INTS1: variants seen among roughly 807,000 people sequenced by gnomAD.
INTS1 encodes integrator complex subunit 1.
A neutral mutation model predicts 241.6 loss-of-function variants in INTS1; 137 were observed. The observed-to-expected ratio is 0.57, with a 90% CI of 0.49 to 0.65. The LOEUF (loss-of-function observed/expected upper bound fraction) is 0.65, where lower values mean the gene tolerates loss of function less well. Among genes scored for constraint, INTS1 ranks in the 30% least tolerant of loss-of-function variants. The pLI is 0.00. For missense variants in INTS1, 3,073 were observed against 3,032.2 expected, an observed-to-expected ratio of 1.01 and a Z score of -0.32; for synonymous variants, 1,692 against 1,337.8, an observed-to-expected ratio of 1.26 and a Z score of -5.78.
rs1041277944 is a variant in INTS1, at chr7:1,497,085, G to A, written c.1602+53C>T. 3.2e-5 allele frequency: 48 copies of A among 1,507,994 alleles called. No individual in the cohort carries two copies. Among genetic ancestry groups the A allele is most frequent in the Non-Finnish European group, 3.9e-5 (44 of 1,125,758 alleles). The allele number at this position is 1,507,994 out of a possible 1,614,324, so 93.4% of individuals were successfully genotyped here. ...TGGGACCCAGGACGAGGGGGATGGC[G>A]GCGCGTGGAACCCGCAGTGAGGGAA... On this transcript the variant is annotated intron_variant, in intron 11 of 47. Coordinates refer to ENST00000404767, the MANE Select transcript of INTS1 (RefSeq NM_001080453.3). The surrounding 1 kb of genome is among the most constrained non-coding windows in gnomAD (Gnocchi z 5.3).
Position 1,485,366 on chromosome 7 carries a change from T to C in INTS1, c.3080A>G (p.Gln1027Arg), listed in dbSNP as rs1171837848. 2 of 1,612,656 alleles carry C rather than the reference T, an allele frequency of 1.2e-6. No individual in the cohort carries two copies. Among genetic ancestry groups the C allele is most frequent in the Middle Eastern group, 1.6e-4 (1 of 6,062 alleles). ...GCGAGGCAGGTCCCGCAGCAGCCAC[T>C]GATAGCCCTGCAGCACATCTGTGTC... Reference protein sequence around the residue: ...VGDTDVLQGYQWLLRDLPRLP... With the variant: ...VGDTDVLQGYRWLLRDLPRLP... Residue 1027 changes from glutamine to arginine, a missense_variant, in exon 23 of 48, where the codon CAG (glutamine) becomes CGG (arginine). Transcript: ENST00000404767.
chr7:1,479,310 C>T, intron 31 of INTS1, 120 bp downstream of exon 31: 1 of 1,215,654 alleles, frequency 8.2e-7, no homozygotes, highest in Non-Finnish European at 1.1e-6. Context: ...ACTGTCCTTT[C>T]TCACTTGGAA....
At position 1,474,831 on chromosome 7, in the gene INTS1, C is replaced by A; in HGVS notation, c.5510G>T (p.Gly1837Val). The A allele has an allele frequency of 6.3e-7, 1 of 1,588,104 alleles. No individual in the cohort carries two copies. The highest frequency in any genetic ancestry group is 8.5e-7 in the Non-Finnish European group (1 of 1,169,694). Reference sequence around the variant, plus strand: ...GAGCGTGATGAAGCGGTGGATGAGTCCGTCCAGCTGCAGGGAGGGGCGCTC... The same window carrying A: ...GAGCGTGATGAAGCGGTGGATGAGTACGTCCAGCTGCAGGGAGGGGCGCTC... ...AASSSVCKLDGLIHRFITLLA... is the reference protein window; with the variant it reads ...AASSSVCKLDVLIHRFITLLA... Residue 1837 changes from glycine to valine, a missense_variant, in exon 40 of 48, where the codon GGA (glycine) becomes GTA (valine). Coordinates refer to ENST00000404767, the MANE Select transcript of INTS1 (RefSeq NM_001080453.3).
At chr7:1,491,427 T>C (rs575727800) in intron 16 of INTS1, among the ~76,000 whole-genome samples, 3 of 152,124 alleles carry the variant, frequency 2.0e-5, no homozygotes, top group Non-Finnish European at 4.4e-5. Flanking sequence ...CCTCACACCA[T>C]AAAAACTATG....
intron 18 of INTS1, 59 bp from the exon 19 acceptor site, chr7:1,488,016 G>C: frequency 6.5e-7 from 1 of 1,545,638 alleles, no homozygotes; most frequent in Non-Finnish European, 8.9e-7. Flanking sequence ...ACTCCCAGTG[G>C]GCCACGCTCA....
intron 39 of INTS1, among the ~76,000 whole-genome samples, chr7:1,475,450 C>A (rs960895369): frequency 6.6e-6 from 1 of 152,058 alleles, no homozygotes; most frequent in African/African-American, 2.4e-5. Context: ...GTGAAAAAAA[C>A]CACAAGCAGA....
chr7:1,470,555 A>AG lies in INTS1; in HGVS notation c.*21dup, dbSNP rs2128530788. 2 of 1,510,184 alleles carry AG rather than the reference A, an allele frequency of 1.3e-6. No individual in the cohort carries two copies. Among genetic ancestry groups the AG allele is most frequent in the East Asian group, 2.5e-5 (1 of 40,786 alleles). 93.5% of individuals were successfully genotyped at this position (1,510,184 alleles called of 1,614,324 possible). A position where few individuals can be genotyped will look rare whatever the true frequency, so the allele number is the denominator to read the frequency against. On this transcript the variant is annotated 3_prime_UTR_variant, in exon 48 of 48. Coordinates refer to ENST00000404767, the MANE Select transcript of INTS1 (RefSeq NM_001080453.3). ...GGGGACGGGACGGGCCGGGGCTTGG[A>AG]GGGGGGTCGGCTGCCACAGGCTCAC...
chr7:1,498,261 C>T, intron 10 of INTS1, 151 bp downstream of exon 10: 1 of 1,211,014 alleles, frequency 8.3e-7, no homozygotes, highest in Non-Finnish European at 1.1e-6. Context: ...ACCTCATGCC[C>T]ACGTGAGTTT....
At position 1,502,909 on chromosome 7, in the gene INTS1, G is replaced by A. The variant is rs1783262533; in HGVS notation, c.341C>T (p.Pro114Leu). 6.2e-6 allele frequency: 10 copies of A among 1,613,824 alleles called. No individual in the cohort carries two copies. The highest frequency in any genetic ancestry group is 7.6e-6 in the Non-Finnish European group (9 of 1,179,876). The change falls in exon 3 of 48, where the codon CCA becomes CTA. Residue 114 changes from proline (P) to leucine (L), a missense_variant. Physicochemically the swap from Pro to Leu is moderately conservative, Grantham distance 98. Coordinates refer to ENST00000404767, the MANE Select transcript of INTS1 (RefSeq NM_001080453.3). The stretch of plus-strand genomic sequence containing the variant: ...GTCCACAGACTCATTACCTTCAATT[G>A]GCACCACAGATGGCTCTTTAATCGA... ...SPSIKEPSVV[P>L]IEVLPTVLLD...
In INTS1 at chr7:1,487,357, C is replaced by T. The variant is rs772075857; in HGVS notation, c.2609G>A (p.Arg870Gln). 5 of 1,607,230 alleles carry T rather than the reference C, an allele frequency of 3.1e-6. 1 individual carries two copies. Among genetic ancestry groups the T allele is most frequent in the East Asian group, 2.2e-5 (1 of 44,698 alleles). Residue 870 changes from arginine to glutamine, a missense_variant, in exon 20 of 48, where the codon CGA (arginine) becomes CAA (glutamine). Arg to Gln is a conservative substitution (Grantham distance 43). Coordinates refer to ENST00000404767, the MANE Select transcript of INTS1 (RefSeq NM_001080453.3). ...GATGTGGAGGAGAAAGTCAGGGTTT[C>T]GGCTGCGGCACAAGAGGTGCCCGAG... ...LRLGHLLCRS[R>Q]NPDFLLHIIQ... is the part of the protein sequence containing the mutation.
rs755594723 is a variant in INTS1, at chr7:1,476,573, C to G, written c.5148G>C (p.Pro1716=). The G allele has an allele frequency of 2.5e-6, 4 of 1,612,432 alleles. No homozygotes were observed. The highest frequency in any genetic ancestry group is 3.4e-6 in the Non-Finnish European group (4 of 1,179,846). ...RIWQGRDQRT[P]QKRREELVLR... Reference sequence around the variant, plus strand: ...GGGCCACCCTCCCAAGACCTGCCTGCGGGGTGCGCTGGTCCCGCCCCTGCC... The same window carrying G: ...GGGCCACCCTCCCAAGACCTGCCTGGGGGGTGCGCTGGTCCCGCCCCTGCC... The change falls in exon 37 of 48, where the codon CCG becomes CCC. Residue 1716 remains proline, a synonymous_variant. Coordinates refer to ENST00000404767, the MANE Select transcript of INTS1 (RefSeq NM_001080453.3).
At chr7:1,478,061 C>T (rs979648452) in intron 33 of INTS1, 125 bp from the exon 34 acceptor site, 19 of 863,282 alleles carry the variant, frequency 2.2e-5, no homozygotes, top group African/African-American at 1.8e-4. Context: ...AGAGTCCAGC[C>T]GGAGCCAGAG....
intron 39 of INTS1, among the ~76,000 whole-genome samples, chr7:1,475,138 C>G (rs994719880): frequency 6.6e-6 from 1 of 152,262 alleles, no homozygotes; most frequent in African/African-American, 2.4e-5. Flanking sequence ...CATCCCAGCA[C>G]TCTGTGAGGC....
chr7:1,499,437 G>A (rs765074337), intron 6 of INTS1, 36 bp downstream of exon 6: 2 of 1,433,148 alleles, frequency 1.4e-6, no homozygotes, highest in Admixed American at 4.6e-5. Context: ...CCTGGGGCTT[G>A]GACACCCGCC....
chr7:1,478,639 G>C, intron 32 of INTS1, 87 bp downstream of exon 32: 1 of 1,487,140 alleles, frequency 6.7e-7, no homozygotes. Context: ...CACTGCCCAG[G>C]CCTCGGGGTG....
In INTS1 at chr7:1,493,427, G is replaced by A. The variant is rs893694851; in HGVS notation, c.2069-321C>T. ...CAGAGCCACGGACGAGGCGCGAGCT[G>A]GATTTACAATCATTCTACCTGTCGC... On this transcript the variant is annotated intron_variant, in intron 15 of 47. Transcript: ENST00000404767. This position sits in a 1 kb window ranked among gnomAD's most constrained non-coding sequence, Gnocchi z 5.3. Among the ~76,000 whole-genome samples the A allele has an allele frequency of 1.3e-5, 2 of 152,146 alleles. No homozygotes were observed. The highest frequency in any genetic ancestry group is 2.9e-5 in the Non-Finnish European group (2 of 68,012).
rs748233239 is a variant in INTS1, at chr7:1,482,707, G to A, written c.3542C>T (p.Ala1181Val). 7 of 1,612,308 alleles carry A rather than the reference G, an allele frequency of 4.3e-6. No homozygotes were observed. In the African/African-American group the frequency reaches 5.3e-5, roughly 12 times the overall value. The change falls in exon 27 of 48, where the codon GCC becomes GTC. Residue 1181 changes from alanine (A) to valine (V), a missense_variant and splice_region_variant. Ala to Val is a moderately conservative substitution (Grantham distance 64, BLOSUM62 0). Transcript: ENST00000404767. ...CAGCGCCTGGAACTCGCTGTCGTCGGCTTCAGGAAGGACAACGGGTGAGCA... is the reference window on the plus strand; with the variant it reads ...CAGCGCCTGGAACTCGCTGTCGTCGACTTCAGGAAGGACAACGGGTGAGCA... ...VILLTLGPPR[A>V]DDSEFQALLD...
intron 26 of INTS1, chr7:1,483,383 A>T (rs937273842): frequency 2.7e-6 from 1 of 370,950 alleles, no homozygotes; most frequent in Middle Eastern, 8.8e-4. Flanking sequence ...TGGCAGCCTC[A>T]TGTCGCACCT....
intron 12 of INTS1, 137 bp downstream of exon 12, chr7:1,496,019 C>A: frequency 1.5e-6 from 1 of 658,978 alleles, no homozygotes; most frequent in Non-Finnish European, 2.7e-6. Context: ...TTCCAGGCTC[C>A]GTGTCCCCGA....
Sources: allele counts gnomAD v4.1 joint callset (sites outside exome capture counted in the v4.1 genomes callset), GRCh38; gene constraint gnomAD v4.1.1; non-coding constraint Gnocchi (gnomAD v3.1); transcripts MANE v1.5; gene names NCBI Gene and HGNC (gene_info 2026-07-23, HGNC 2026-07-21).